KCNMA1: variants seen among roughly 807,000 people sequenced by gnomAD.
The protein encoded by KCNMA1 is potassium calcium-activated channel subfamily M alpha 1.
KCNMA1 carries 29 observed loss-of-function variants against 140.0 expected under a neutral mutation model. The ratio of observed to expected loss-of-function variants is 0.21; its 90% CI spans 0.15 to 0.28. KCNMA1 has a LOEUF of 0.28. Among genes scored for constraint, KCNMA1 ranks in the 10% least tolerant of loss-of-function variants. KCNMA1 has a pLI of 1.00. For synonymous variants in KCNMA1, 612 were observed against 611.9 expected (o/e 1.00, Z 0.00); for missense variants, 880 against 1,602.2 (o/e 0.55, Z 7.70).
intron 1 of KCNMA1, among the ~76,000 whole-genome samples, chr10:77,617,240 A>G (rs1469631447): frequency 6.6e-6 from 1 of 152,118 alleles, no homozygotes; most frequent in Non-Finnish European, 1.5e-5. Flanking sequence ...GAGACAAGAA[A>G]CCCGGGAAGC....
chr10:77,447,042 G>C (rs2097542314), intron 1 of KCNMA1, among the ~76,000 whole-genome samples: 1 of 152,204 alleles, frequency 6.6e-6, no homozygotes, highest in Non-Finnish European at 1.5e-5. Flanking sequence ...AGAAGGACTT[G>C]AGGCCCAGCT....
chr10:77,443,880 T>G (rs2097464891), intron 1 of KCNMA1, among the ~76,000 whole-genome samples: 1 of 152,210 alleles, frequency 6.6e-6, no homozygotes, highest in African/African-American at 2.4e-5. Context: ...TTAGAAAATA[T>G]TATATATTTC....
At chr10:77,218,998 A>G (rs1218401928) in intron 3 of KCNMA1, among the ~76,000 whole-genome samples, 1 of 151,754 alleles carries the variant, frequency 6.6e-6, no homozygotes, top group East Asian at 1.9e-4. Context: ...TATTTTTTTT[A>G]TTATTTAATA....
intron 25 of KCNMA1, among the ~76,000 whole-genome samples, chr10:76,892,498 T>A (rs1384883524): frequency 2.6e-5 from 4 of 152,230 alleles, no homozygotes; most frequent in Non-Finnish European, 5.9e-5. Context: ...CCAGCCTAAT[T>A]TGAGAAATTC....
In KCNMA1 at chr10:77,439,159, GAAGAAAAGAA is replaced by G. The variant is rs1487030816; in HGVS notation, c.379-35146_379-35137del. ...AGAGAAGAGAAGAGAAAAGAGAAGA[GAAGAAAAGAA>G]AAGAGAAGAGAAGATTCCAAACATA... On this transcript the variant is annotated intron_variant, in intron 1 of 27. Coordinates refer to ENST00000286628, the MANE Select transcript of KCNMA1 (RefSeq NM_001161352.2). Among the ~76,000 whole-genome samples the G allele has an allele frequency of 1.7e-4, 21 of 125,022 alleles. No homozygotes were observed. In the South Asian group the frequency reaches 1.9e-3, roughly 12 times the overall value. The allele number at this position is 125,022 out of a possible 152,430, so 82.0% of individuals were successfully genotyped here. A position where few individuals can be genotyped will look rare whatever the true frequency, so the allele number is the denominator to read the frequency against.
At chr10:76,990,819 A>G (rs2082538981) in intron 19 of KCNMA1, among the ~76,000 whole-genome samples, 1 of 152,196 alleles carries the variant, frequency 6.6e-6, no homozygotes, top group South Asian at 2.1e-4. Context: ...AAATGCAGAG[A>G]GCATTTCAGA....
chr10:77,327,039 G>A (rs188135266), intron 2 of KCNMA1, among the ~76,000 whole-genome samples: 29 of 152,072 alleles, frequency 1.9e-4, no homozygotes, highest in Admixed American at 1.4e-3. Flanking sequence ...CCAACAGAAC[G>A]CCAGTCCTCA....
intron 3 of KCNMA1, among the ~76,000 whole-genome samples, chr10:77,202,641 C>T (rs1169241295): frequency 6.6e-6 from 1 of 150,414 alleles, no homozygotes; most frequent in African/African-American, 2.5e-5. Context: ...TTTTAAGAAA[C>T]AACTGAAAAG....
intron 3 of KCNMA1, among the ~76,000 whole-genome samples, chr10:77,215,816 G>A (rs539148027): frequency 1.3e-5 from 2 of 151,926 alleles, no homozygotes; most frequent in South Asian, 4.2e-4. Context: ...CCTTATGATG[G>A]GATTAATGTC....
chr10:77,025,998 A>AAAAT lies in KCNMA1; in HGVS notation c.1928+1824_1928+1825insATTT, dbSNP rs370771543. ...TTTGCCCTTTTCTGAAGAAAAAAAAAATATATATATATATATATATACTAA... is the reference window on the plus strand; with the variant it reads ...TTTGCCCTTTTCTGAAGAAAAAAAAAAAATATATATATATATATATATATACTAA... On this transcript the variant is annotated intron_variant, in intron 16 of 27. Coordinates refer to ENST00000286628, the MANE Select transcript of KCNMA1 (RefSeq NM_001161352.2). Among the ~76,000 whole-genome samples, 932 of 139,872 alleles carry AAAAT rather than the reference A, an allele frequency of 6.7e-3. 8 individuals are homozygous for AAAAT. Among genetic ancestry groups the AAAAT allele is most frequent in the African/African-American group, 0.02 (770 of 38,600 alleles). The allele number at this position is 139,872 out of a possible 152,430, so 91.8% of individuals were successfully genotyped here.
At chr10:77,276,693 T>C (rs1024629291) in intron 2 of KCNMA1, among the ~76,000 whole-genome samples, 4 of 152,104 alleles carry the variant, frequency 2.6e-5, no homozygotes, top group Non-Finnish European at 5.9e-5. Context: ...GGAGTGGGTT[T>C]CTAAAGGCTG....
At chr10:76,981,760 T>G (rs1175310186) in intron 19 of KCNMA1, among the ~76,000 whole-genome samples, 1 of 152,222 alleles carries the variant, frequency 6.6e-6, no homozygotes, top group Non-Finnish European at 1.5e-5. Flanking sequence ...CCCTGGCACT[T>G]CTGATCTCAT....
At chr10:77,349,979 A>G (rs1246726080) in intron 2 of KCNMA1, among the ~76,000 whole-genome samples, 2 of 151,984 alleles carry the variant, frequency 1.3e-5, no homozygotes, top group Admixed American at 6.6e-5. Context: ...GCTCACCGCA[A>G]CCTCTGCCTC....
chr10:77,484,266 C>A (rs148077138), intron 1 of KCNMA1, among the ~76,000 whole-genome samples: 1 of 152,206 alleles, frequency 6.6e-6, no homozygotes, highest in Non-Finnish European at 1.5e-5. Flanking sequence ...TATCCCGTTA[C>A]GTGGGTGTCG....
At chr10:77,062,999 C>T (rs1170091915) in intron 14 of KCNMA1, among the ~76,000 whole-genome samples, 1 of 152,190 alleles carries the variant, frequency 6.6e-6, no homozygotes, top group East Asian at 1.9e-4. Context: ...GTGATGGGTC[C>T]TGTGGCTTAC....
rs1431795752 is a variant in KCNMA1, at chr10:76,887,026, T to C, written c.*240A>G. ...ATGTCTGGAGCATGCCTTTGGGTTA[T>C]TTTTCCCCCAGAATCATAAATAACT... On this transcript the variant is annotated 3_prime_UTR_variant, in exon 28 of 28. Coordinates refer to ENST00000286628, the MANE Select transcript of KCNMA1 (RefSeq NM_001161352.2). The C allele has an allele frequency of 1.5e-6, 2 of 1,374,524 alleles. No homozygotes were observed. The highest frequency in any genetic ancestry group is 1.4e-5 in the South Asian group (1 of 71,212). The allele number at this position is 1,374,524 out of a possible 1,614,324, so 85.1% of individuals were successfully genotyped here. A position where few individuals can be genotyped will look rare whatever the true frequency, so the allele number is the denominator to read the frequency against.
At chr10:77,348,305 C>T (rs974051908) in intron 2 of KCNMA1, among the ~76,000 whole-genome samples, 37 of 152,186 alleles carry the variant, frequency 2.4e-4, no homozygotes, top group African/African-American at 8.0e-4. Flanking sequence ...AACAGCCTTC[C>T]ATTGGCTGTT....
intron 2 of KCNMA1, among the ~76,000 whole-genome samples, chr10:77,264,692 A>G (rs1190396643): frequency 6.6e-6 from 1 of 152,158 alleles, no homozygotes; most frequent in African/African-American, 2.4e-5. Context: ...TCCATGTGTC[A>G]AATTTATATG....
At chr10:77,114,472 C>T (rs2097402647) in intron 6 of KCNMA1, among the ~76,000 whole-genome samples, 1 of 152,238 alleles carries the variant, frequency 6.6e-6, no homozygotes, top group Non-Finnish European at 1.5e-5. Context: ...TCTCTCCTTC[C>T]ATTGTCAACA....
Sources: allele counts gnomAD v4.1 joint callset (sites outside exome capture counted in the v4.1 genomes callset), GRCh38; gene constraint gnomAD v4.1.1; transcripts MANE v1.5; gene names NCBI Gene and HGNC (gene_info 2026-07-23, HGNC 2026-07-21).